Variants in CABLES1 observed in about 807,000 individuals in gnomAD.
CABLES1 encodes the protein Cdk5 and Abl enzyme substrate 1.
In CABLES1, 36 loss-of-function variants were observed where a neutral mutation model predicts 57.8. The ratio of observed to expected loss-of-function variants is 0.62; its 90% CI spans 0.48 to 0.82. The LOEUF (loss-of-function observed/expected upper bound fraction) is 0.82, where lower values mean the gene tolerates loss of function less well. CABLES1 is among the 40% of genes least tolerant of loss of function. CABLES1 has a pLI of 0.00. For synonymous variants in CABLES1, 374 were observed against 363.0 expected (o/e 1.03, Z -0.35); for missense variants, 767 against 836.6 (o/e 0.92, Z 1.03).
At chr18:23,172,043 C>T (rs2047086382) in intron 1 of CABLES1, among the ~76,000 whole-genome samples, 1 of 152,236 alleles carries the variant, frequency 6.6e-6, no homozygotes. Flanking sequence ...ACATCAGCCT[C>T]CTGAGTTGCT....
intron 2 of CABLES1, chr18:23,190,186 G>C (rs1293798774): frequency 6.6e-6 from 1 of 152,274 alleles, no homozygotes; most frequent in African/African-American, 2.4e-5. Context: ...GCTGGCCTTG[G>C]TCCACATACT....
chr18:23,155,925 A>G (rs996392409), intron 1 of CABLES1: 9 of 1,614,094 alleles, frequency 5.6e-6, no homozygotes, highest in Admixed American at 1.7e-5. Context: ...AGGGGCTGCC[A>G]TGCAAGAATA....
rs547636487 is a variant in CABLES1 at position 23,218,669 on chromosome 18, T to TC, written c.1088+4617dup. ...ATCCTCACTTGCCCTGGCTCCCGCATCCTCACTTGCCCTGCCTCCCACCAT... is the reference window on the plus strand; with the variant it reads ...ATCCTCACTTGCCCTGGCTCCCGCATCCCTCACTTGCCCTGCCTCCCACCAT... On this transcript the variant is annotated intron_variant, in intron 4 of 9. Transcript: ENST00000256925. Among the ~76,000 whole-genome samples, 519 of 150,108 alleles carry TC rather than the reference T, an allele frequency of 3.5e-3. 13 individuals carry two copies. The highest frequency in any genetic ancestry group is 0.013 in the African/African-American group (506 of 39,728).
chr18:23,162,061 A>G (rs2047009136), intron 1 of CABLES1, among the ~76,000 whole-genome samples: 1 of 152,066 alleles, frequency 6.6e-6, no homozygotes, highest in South Asian at 2.1e-4. Flanking sequence ...GCTACTTGGG[A>G]GGCTGAGGCA....
chr18:23,190,294 T>C (rs1046635206), intron 2 of CABLES1: 5 of 152,176 alleles, frequency 3.3e-5, no homozygotes, highest in African/African-American at 1.2e-4. Flanking sequence ...GCTCCCTCAC[T>C]CCTGCCACAG....
At chr18:23,229,994 A>T (rs2047555556) in intron 4 of CABLES1, among the ~76,000 whole-genome samples, 1 of 152,242 alleles carries the variant, frequency 6.6e-6, no homozygotes, top group Admixed American at 6.5e-5. Context: ...CTTACCTAAG[A>T]AGAATGAACC....
At chr18:23,139,367 C>T (rs918648454) in intron 1 of CABLES1, among the ~76,000 whole-genome samples, 2 of 143,192 alleles carry the variant, frequency 1.4e-5, no homozygotes, top group South Asian at 2.2e-4. Context: ...TGTGCTATTG[C>T]ACTCCAGCCT....
chr18:23,238,471 C>T (rs2047660245), intron 7 of CABLES1, among the ~76,000 whole-genome samples: 1 of 152,230 alleles, frequency 6.6e-6, no homozygotes, highest in South Asian at 2.1e-4. Context: ...CACTCTCCCT[C>T]ACTCATGCCC....
intron 4 of CABLES1, among the ~76,000 whole-genome samples, chr18:23,223,581 A>C (rs1281264591): frequency 7.6e-6 from 1 of 131,516 alleles, no homozygotes; most frequent in South Asian, 2.5e-4. Flanking sequence ...CCGTCTCAGA[A>C]AAAAAAAAAA....
chr18:23,206,413 G>A (rs2047363943), intron 3 of CABLES1, among the ~76,000 whole-genome samples: 2 of 152,264 alleles, frequency 1.3e-5, no homozygotes, highest in South Asian at 4.1e-4. Flanking sequence ...AATGCCAAAG[G>A]AAATACCCAC....
At chr18:23,194,642 A>G (rs1251989740) in intron 3 of CABLES1, 102 bp downstream of exon 3, 5 of 749,896 alleles carry the variant, frequency 6.7e-6, no homozygotes, top group African/African-American at 3.5e-5. Context: ...ACGCAAGCCC[A>G]CACTTTTAAG....
At chr18:23,239,920 C>T (rs550715785) in intron 7 of CABLES1, among the ~76,000 whole-genome samples, 5 of 152,246 alleles carry the variant, frequency 3.3e-5, no homozygotes, top group African/African-American at 1.2e-4. Flanking sequence ...GAGTTTGGGA[C>T]CAGCCTGGCC....
At chr18:23,221,215 G>T (rs527812002) in intron 4 of CABLES1, among the ~76,000 whole-genome samples, 1 of 152,336 alleles carries the variant, frequency 6.6e-6, no homozygotes, top group South Asian at 2.1e-4. Context: ...AAAAGGATTT[G>T]TGGCAGGGCC....
intron 3 of CABLES1, among the ~76,000 whole-genome samples, chr18:23,213,420 T>C (rs1045656584): frequency 6.6e-6 from 1 of 152,232 alleles, no homozygotes; most frequent in Non-Finnish European, 1.5e-5. Context: ...TAGAGCTGTT[T>C]CCAGTAGTAT....
chr18:23,235,819 A>G, intron 5 of CABLES1, 76 bp from the exon 6 acceptor site: 2 of 1,410,144 alleles, frequency 1.4e-6, no homozygotes, highest in South Asian at 1.2e-5. Flanking sequence ...TGGGGTGACA[A>G]CTGTAGCTTG....
chr18:23,252,125 C>T lies in CABLES1; in HGVS notation c.1447-835C>T, dbSNP rs1280267298. Among the ~76,000 whole-genome samples the T allele has an allele frequency of 2.6e-5, 4 of 151,776 alleles. No homozygotes were observed. The South Asian group carries it at 6.2e-4, about 24-fold the overall frequency. On this transcript the variant is annotated intron_variant, in intron 7 of 9. Transcript: ENST00000256925. ...AGACTCCATGCTAAATAAAATAAGC[C>T]TATGACAAAAGGACAAATAGACGAT...
chr18:23,140,298 T>C (rs2046849382), intron 1 of CABLES1, among the ~76,000 whole-genome samples: 2 of 152,224 alleles, frequency 1.3e-5, no homozygotes, highest in Admixed American at 6.5e-5. Context: ...GCCCCAGCCC[T>C]GTGTTACTCT....
intron 1 of CABLES1, among the ~76,000 whole-genome samples, chr18:23,161,656 A>G (rs1322397071): frequency 6.6e-6 from 1 of 151,028 alleles, no homozygotes; most frequent in African/African-American, 2.4e-5. Flanking sequence ...CATGCCCGTA[A>G]TCCCAGCACT....
chr18:23,194,497 C>A lies in CABLES1; in HGVS notation c.967C>A (p.His323Asn). 6.2e-7 allele frequency: 1 copy of A among 1,613,570 alleles called. No homozygotes were observed. The highest frequency in any genetic ancestry group is 2.2e-5 in the East Asian group (1 of 44,892). The change falls in exon 3 of 10, where the codon CAT becomes AAT. Residue 323 changes from histidine (H) to asparagine (N), a missense_variant. Physicochemically the swap from His to Asn is moderately conservative, Grantham distance 68. This residue lies in a region of CABLES1 where 529 missense variants were observed against 622.8 expected (regional missense o/e 0.85). Transcript: ENST00000256925. ...SPRPKNFKKI[H>N]FIKNMRQHDT... ...CAGACCAAAGAATTTTAAGAAGATT[C>A]ATTTTATCAAGAACATGCGGCAACA...
Sources: gnomAD v4.1 joint callset for allele counts (sites outside exome capture counted in the v4.1 genomes callset) on GRCh38, gnomAD v4.1.1 for gene constraint, gnomAD v4.1.1 regional missense constraint, MANE v1.5 for transcripts, NCBI Gene and HGNC (gene_info 2026-07-23, HGNC 2026-07-21) for gene names.